Variants in HECW1 observed in about 807,000 individuals in gnomAD.
The protein encoded by HECW1 is E3 ubiquitin-protein ligase HECW1.
Under a neutral mutation model 182.3 loss-of-function variants are expected in HECW1, and 61 were observed. That is an observed-to-expected ratio of 0.33 (90% CI 0.27 to 0.41). HECW1 has a LOEUF of 0.41. Ranked by LOEUF, HECW1 falls within the 10% of genes least tolerant of loss-of-function variation. HECW1 has a pLI of 1.00. For missense variants in HECW1, 1,739 were observed against 2,108.9 expected, an observed-to-expected ratio of 0.82 and a Z score of 3.44; for synonymous variants, 859 against 832.6, an observed-to-expected ratio of 1.03 and a Z score of -0.55.
intron 2 of HECW1, chr7:43,150,809 C>G (rs1789228763): frequency 6.5e-6 from 1 of 154,456 alleles, no homozygotes; most frequent in African/African-American, 2.4e-5. Context: ...CTGCCACATT[C>G]TTGGCTCAGA....
At chr7:43,152,423 T>C (rs1016476096) in intron 2 of HECW1, among the ~76,000 whole-genome samples, 3 of 152,156 alleles carry the variant, frequency 2.0e-5, no homozygotes, top group Non-Finnish European at 4.4e-5. Context: ...ATCGTAACAA[T>C]CCAGAACTAA....
At chr7:43,443,602 C>T (rs1371085592) in intron 10 of HECW1, among the ~76,000 whole-genome samples, 1 of 152,166 alleles carries the variant, frequency 6.6e-6, no homozygotes, top group East Asian at 1.9e-4. Flanking sequence ...TAAACACTGG[C>T]TGGATGCTAC....
intron 5 of HECW1, among the ~76,000 whole-genome samples, chr7:43,333,535 C>T (rs1811758396): frequency 6.6e-6 from 1 of 152,134 alleles, no homozygotes; most frequent in Non-Finnish European, 1.5e-5. Flanking sequence ...ATTTCAACAC[C>T]TAGATAACAT....
rs577251608 is a variant in HECW1 at position 43,486,863 on chromosome 7, A to G, written c.3235-5212A>G. Among the ~76,000 whole-genome samples, 3 of 152,344 alleles carry G rather than the reference A, an allele frequency of 2.0e-5. No individual in the cohort carries two copies. The South Asian group carries it at 6.2e-4, about 32-fold the overall frequency. On this transcript the variant is annotated intron_variant, in intron 17 of 29. Transcript: ENST00000395891. ...ATAAAGACATTAGATTGTGTTGTCT[A>G]TGGTTCTATATCCTAGTGCCTCGTA...
chr7:43,332,310 C>T (rs1180810378), intron 5 of HECW1, among the ~76,000 whole-genome samples: 4 of 152,166 alleles, frequency 2.6e-5, no homozygotes, highest in African/African-American at 4.8e-5. Context: ...AACCTCAACC[C>T]GGGCTGCTGA....
At chr7:43,330,807 G>T (rs1297095627) in intron 5 of HECW1, among the ~76,000 whole-genome samples, 1 of 152,150 alleles carries the variant, frequency 6.6e-6, no homozygotes, top group Non-Finnish European at 1.5e-5. Context: ...CCAGGAAAAA[G>T]CTCAGGCGTG....
At chr7:43,275,663 C>A (rs1455636465) in intron 3 of HECW1, among the ~76,000 whole-genome samples, 2 of 152,130 alleles carry the variant, frequency 1.3e-5, no homozygotes, top group Non-Finnish European at 2.9e-5. Context: ...TCCACACTAT[C>A]TTCCTCCACT....
chr7:43,334,509 C>G (rs887279360), intron 5 of HECW1, among the ~76,000 whole-genome samples: 1 of 152,176 alleles, frequency 6.6e-6, no homozygotes, highest in South Asian at 2.1e-4. Flanking sequence ...ACAAACAACC[C>G]TTATCCGTTG....
chr7:43,564,272 C>G lies in HECW1; in HGVS notation c.*2346C>G. The G allele has an allele frequency of 5.3e-6, 1 of 189,780 alleles. No individual in the cohort carries two copies. Among genetic ancestry groups the G allele is most frequent in the Non-Finnish European group, 1.1e-5 (1 of 90,156 alleles). 11.8% of individuals were successfully genotyped at this position (189,780 alleles called of 1,614,324 possible). ...GTAAATACTCATTAATTCAAGCACT[C>G]TCTTTCTAGTACTCACATTATTTGT... On this transcript the variant is annotated 3_prime_UTR_variant, in exon 30 of 30. Transcript: ENST00000395891.
chr7:43,208,836 C>T (rs77908457), intron 2 of HECW1, among the ~76,000 whole-genome samples: 10 of 152,152 alleles, frequency 6.6e-5, no homozygotes, highest in Admixed American at 5.2e-4. Context: ...AGCATGGAAC[C>T]GGAGGTCTGG....
intron 3 of HECW1, among the ~76,000 whole-genome samples, chr7:43,283,424 C>A (rs972598173): frequency 6.6e-6 from 1 of 152,030 alleles, no homozygotes; most frequent in African/African-American, 2.4e-5. Context: ...TAAATGATGC[C>A]ATAATTCTCA....
chr7:43,548,763 G>A (rs941868024), intron 26 of HECW1, among the ~76,000 whole-genome samples: 6 of 152,156 alleles, frequency 3.9e-5, no homozygotes, highest in South Asian at 2.1e-4. Flanking sequence ...CCAACATGGC[G>A]AAACCCTGTC....
intron 10 of HECW1, among the ~76,000 whole-genome samples, chr7:43,443,424 T>C (rs1211951777): frequency 6.6e-6 from 1 of 152,270 alleles, no homozygotes; most frequent in Non-Finnish European, 1.5e-5. Context: ...TTCAGTCTAT[T>C]TCTATATTCT....
intron 8 of HECW1, 63 bp downstream of exon 8, chr7:43,407,794 C>A (rs2075660115): frequency 2.1e-6 from 3 of 1,422,256 alleles, no homozygotes; most frequent in South Asian, 1.3e-5. Flanking sequence ...TGTGAACCAG[C>A]CCTCCTCCTT....
chr7:43,523,785 G>A (rs772836712), intron 24 of HECW1, among the ~76,000 whole-genome samples: 1 of 152,106 alleles, frequency 6.6e-6, no homozygotes, highest in Non-Finnish European at 1.5e-5. Context: ...AGGGGGATTA[G>A]ATAAAAAGAA....
intron 4 of HECW1, among the ~76,000 whole-genome samples, chr7:43,319,601 CTTTTTTT>C (rs796502195): frequency 1.2e-3 from 59 of 47,454 alleles, no homozygotes; most frequent in Admixed American, 2.1e-3. Flanking sequence ...CTTTTCTTTT[CTTTTTTT>C]TTTTTTTTTT....
intron 8 of HECW1, among the ~76,000 whole-genome samples, chr7:43,436,263 G>T (rs114868935): frequency 6.6e-6 from 1 of 152,210 alleles, no homozygotes; most frequent in South Asian, 2.1e-4. Context: ...TGATTAAGGG[G>T]ACTGTAACAT....
intron 28 of HECW1, 142 bp from the exon 29 acceptor site, chr7:43,554,450 C>T: frequency 1.4e-6 from 1 of 727,080 alleles, no homozygotes; most frequent in East Asian, 2.7e-5. Context: ...TTAGACCTCT[C>T]TAAAGGCCAT....
At chr7:43,120,978 G>T (rs10253913) in intron 2 of HECW1, among the ~76,000 whole-genome samples, 3,068 of 152,200 alleles carry the variant, frequency 0.02, 100 homozygotes, top group African/African-American at 0.07. Context: ...AAAGCTGCTG[G>T]ATTAGAGTTT....
Sources: allele counts gnomAD v4.1 joint callset (sites outside exome capture counted in the v4.1 genomes callset), GRCh38; gene constraint gnomAD v4.1.1; transcripts MANE v1.5; gene names NCBI Gene and HGNC (gene_info 2026-07-23, HGNC 2026-07-21).